The following MSRB3 variants were observed in gnomAD, a reference collection of about 807,000 sequenced individuals.
MSRB3 encodes the protein methionine-R-sulfoxide reductase B3.
In MSRB3, 13 loss-of-function variants were observed where a neutral mutation model predicts 21.0. The ratio of observed to expected loss-of-function variants is 0.62; its 90% CI spans 0.40 to 0.98. MSRB3 has a LOEUF of 0.98. Ranked by LOEUF, MSRB3 falls within the 50% of genes least tolerant of loss-of-function variation. The pLI, the probability that MSRB3 is intolerant of heterozygous loss-of-function variation, is 0.00. For missense variants in MSRB3, 199 were observed against 230.3 expected (o/e 0.86, Z 0.88); for synonymous variants, 87 against 88.6 (o/e 0.98, Z 0.10).
Position 65,463,140 on chromosome 12 carries a change from GTTC to G in MSRB3, c.391-10_391-8del. The G allele has an allele frequency of 6.2e-7, 1 of 1,613,892 alleles. No homozygotes were observed. Among genetic ancestry groups the G allele is most frequent in the Non-Finnish European group, 8.5e-7 (1 of 1,179,992 alleles). On this transcript the variant is annotated splice_polypyrimidine_tract_variant and intron_variant, in intron 6 of 6. Transcript: ENST00000308259. ...TGTACATGCTTTTCCCTGACGTTTT[GTTC>G]TTCTCTTTCAGTGTGGTGCTCACCT...
intron 5 of MSRB3, among the ~76,000 whole-genome samples, chr12:65,448,191 G>A (rs905544079): frequency 1.3e-5 from 2 of 152,128 alleles, no homozygotes; most frequent in African/African-American, 4.8e-5. Context: ...TACAGAGTGG[G>A]GAGCTGAATG....
rs565766487 is a variant in MSRB3, at chr12:65,464,084, C to G, written c.*762C>G. The stretch of plus-strand genomic sequence containing the variant: ...GGTCAGGAGATGGAGACCATCCTGG[C>G]TAACATGGTGAAACCCCGTCTCTAC... On this transcript the variant is annotated 3_prime_UTR_variant, in exon 7 of 7. Transcript: ENST00000308259. 24 of 152,548 alleles carry G rather than the reference C, an allele frequency of 1.6e-4. No homozygotes were observed. Among genetic ancestry groups the G allele is most frequent in the African/African-American group, 5.5e-4 (23 of 41,570 alleles). The allele number at this position is 152,548 out of a possible 1,614,324, so 9.4% of individuals were successfully genotyped here.
Position 65,326,346 on chromosome 12 carries a change from G to A in MSRB3, c.77-480G>A, listed in dbSNP as rs182143230. Among the ~76,000 whole-genome samples, 71 of 152,226 alleles carry A rather than the reference G, an allele frequency of 4.7e-4. 1 individual carries two copies. Among genetic ancestry groups the A allele is most frequent in the Middle Eastern group, 3.4e-3 (1 of 294 alleles). The stretch of plus-strand genomic sequence containing the variant: ...ATTTTTAGGGCTCAAAAATAGGATG[G>A]TAGTTAAATCATCCACAATGGAAAT... On this transcript the variant is annotated intron_variant, in intron 2 of 6. Coordinates refer to ENST00000308259, the MANE Select transcript of MSRB3 (RefSeq NM_001031679.3).
intron 2 of MSRB3, among the ~76,000 whole-genome samples, chr12:65,321,464 A>C (rs899180826): frequency 5.9e-5 from 9 of 152,168 alleles, no homozygotes; most frequent in Non-Finnish European, 1.2e-4. Context: ...TGGAAACCAG[A>C]GGACTGAAGC....
At chr12:65,385,780 G>C (rs1436757848) in intron 5 of MSRB3, among the ~76,000 whole-genome samples, 1 of 151,824 alleles carries the variant, frequency 6.6e-6, no homozygotes, top group African/African-American at 2.4e-5. Context: ...CTGCCATCTT[G>C]TTTCCTCTTT....
chr12:65,465,134 A>C lies in MSRB3; in HGVS notation c.*1812A>C, dbSNP rs1230401994. 6.6e-6 allele frequency: 1 copy of C among 152,240 alleles called. No individual in the cohort carries two copies. 9.4% of individuals were successfully genotyped at this position (152,240 alleles called of 1,614,324 possible). On this transcript the variant is annotated 3_prime_UTR_variant, in exon 7 of 7. Transcript: ENST00000308259. The stretch of plus-strand genomic sequence containing the variant: ...TGGAAACAGTTGGGCCAAGAGCCAG[A>C]ATTTCCCTTTGTAGCAACACGGCTA...
In MSRB3 at chr12:65,464,303, C is replaced by G. The variant is rs1326228226; in HGVS notation, c.*981C>G. On this transcript the variant is annotated 3_prime_UTR_variant, in exon 7 of 7. Coordinates refer to ENST00000308259, the MANE Select transcript of MSRB3 (RefSeq NM_001031679.3). The stretch of plus-strand genomic sequence containing the variant: ...AATAATAATAATAACAATATAAGAA[C>G]TAGCTGGGCATGGTGGCGCATGCAT... 1.3e-5 allele frequency: 2 copies of G among 152,040 alleles called. No homozygotes were observed. Among genetic ancestry groups the G allele is most frequent in the East Asian group, 1.9e-4 (1 of 5,160 alleles). 9.4% of individuals were successfully genotyped at this position (152,040 alleles called of 1,614,324 possible). A position where few individuals can be genotyped will look rare whatever the true frequency, so the allele number is the denominator to read the frequency against.
At chr12:65,352,836 C>T (rs2136499500) in intron 4 of MSRB3, among the ~76,000 whole-genome samples, 1 of 151,328 alleles carries the variant, frequency 6.6e-6, no homozygotes, top group Admixed American at 6.6e-5. Flanking sequence ...AATGGAAGAA[C>T]ATTCCATGCT....
At chr12:65,311,776 T>C (rs577533715) in intron 2 of MSRB3, among the ~76,000 whole-genome samples, 1 of 152,210 alleles carries the variant, frequency 6.6e-6, no homozygotes, top group East Asian at 1.9e-4. Flanking sequence ...TTATTCAATA[T>C]GAAATAATTC....
intron 4 of MSRB3, among the ~76,000 whole-genome samples, chr12:65,346,771 A>G (rs1010643344): frequency 1.3e-5 from 2 of 152,142 alleles, no homozygotes; most frequent in Admixed American, 6.6e-5. Context: ...TATAAGGTGT[A>G]AGGAAGGGAT....
At chr12:65,329,415 C>G (rs777703087) in intron 4 of MSRB3, among the ~76,000 whole-genome samples, 80 of 152,028 alleles carry the variant, frequency 5.3e-4, no homozygotes, top group Admixed American at 9.2e-4. Context: ...TTTGGGAGGC[C>G]AAGACGGGTG....
intron 5 of MSRB3, among the ~76,000 whole-genome samples, chr12:65,396,659 C>G (rs1360222846): frequency 6.8e-6 from 1 of 146,110 alleles, no homozygotes; most frequent in African/African-American, 2.7e-5. Context: ...CCATTACACT[C>G]CAGCCTGGGT....
chr12:65,293,251 C>T (rs1045564272), intron 1 of MSRB3, among the ~76,000 whole-genome samples: 1 of 152,208 alleles, frequency 6.6e-6, no homozygotes, highest in Non-Finnish European at 1.5e-5. Context: ...CCTAAAGTGT[C>T]TCACCACCTT....
intron 4 of MSRB3, among the ~76,000 whole-genome samples, chr12:65,347,365 C>T (rs1156677171): frequency 2.0e-5 from 3 of 152,128 alleles, no homozygotes; most frequent in Non-Finnish European, 4.4e-5. Flanking sequence ...TGGGAGTTCA[C>T]TCATGATTTG....
intron 4 of MSRB3, among the ~76,000 whole-genome samples, chr12:65,366,459 C>T (rs1231116556): frequency 2.0e-5 from 3 of 152,132 alleles, no homozygotes; most frequent in Non-Finnish European, 2.9e-5. Context: ...TGGTGGAAAA[C>T]AGCACAGGCA....
intron 5 of MSRB3, among the ~76,000 whole-genome samples, chr12:65,450,895 T>C (rs1882826870): frequency 6.6e-6 from 1 of 152,244 alleles, no homozygotes. Context: ...CAAAGTGCTG[T>C]CATCACTGTG....
Position 65,388,937 on chromosome 12 carries a change from C to T in MSRB3, c.292+19911C>T, listed in dbSNP as rs567488875. ...ATATTGTGAGCAAAAAGCAAGAGAGCACTGGTACAAATATGCCTCCCTCTT... is the reference window on the plus strand; with the variant it reads ...ATATTGTGAGCAAAAAGCAAGAGAGTACTGGTACAAATATGCCTCCCTCTT... On this transcript the variant is annotated intron_variant, in intron 5 of 6. Transcript: ENST00000308259. 1.6e-4 allele frequency among the ~76,000 whole-genome samples: 25 copies of T among 152,298 alleles called. No individual in the cohort carries two copies. In the South Asian group the frequency reaches 5.0e-3, roughly 30 times the overall value.
chr12:65,320,315 T>C (rs555491942), intron 2 of MSRB3, among the ~76,000 whole-genome samples: 35 of 152,326 alleles, frequency 2.3e-4, no homozygotes, highest in African/African-American at 8.4e-4. Flanking sequence ...GTTTAGGGCT[T>C]GGAGAACAGA....
intron 5 of MSRB3, among the ~76,000 whole-genome samples, chr12:65,378,101 C>T (rs1176542487): frequency 6.6e-6 from 1 of 152,112 alleles, no homozygotes; most frequent in African/African-American, 2.4e-5. Flanking sequence ...GCTAGTGTTA[C>T]TTACGTTGAC....
Sources: allele counts gnomAD v4.1 joint callset (sites outside exome capture counted in the v4.1 genomes callset), GRCh38; gene constraint gnomAD v4.1.1; transcripts MANE v1.5; gene names NCBI Gene and HGNC (gene_info 2026-07-23, HGNC 2026-07-21).